Variants in CMTM4 observed in about 807,000 individuals in gnomAD.
CMTM4 encodes the protein CKLF-like MARVEL transmembrane domain-containing protein 4.
A neutral mutation model predicts 19.0 loss-of-function variants in CMTM4; 8 were observed. That is an observed-to-expected ratio of 0.42 (90% CI 0.25 to 0.76). The LOEUF (loss-of-function observed/expected upper bound fraction) is 0.76, where lower values mean the gene tolerates loss of function less well. Ranked by LOEUF, CMTM4 falls within the 30% of genes least tolerant of loss-of-function variation. The pLI, the probability that CMTM4 is intolerant of heterozygous loss-of-function variation, is 0.27. For synonymous variants in CMTM4, 106 were observed against 121.1 expected (o/e 0.88, Z 0.82); for missense variants, 228 against 290.2 (o/e 0.79, Z 1.56).
intron 1 of CMTM4, among the ~76,000 whole-genome samples, chr16:66,688,389 A>G (rs1389702077): frequency 1.3e-5 from 2 of 152,122 alleles, no homozygotes; most frequent in African/African-American, 4.8e-5. Context: ...TAATACTACC[A>G]TTATCCCCAA....
intron 1 of CMTM4, among the ~76,000 whole-genome samples, chr16:66,693,425 A>G (rs2017174392): frequency 6.6e-6 from 1 of 152,156 alleles, no homozygotes; most frequent in Non-Finnish European, 1.5e-5. Flanking sequence ...CAGAGTTAGA[A>G]CTTACTCATA....
chr16:66,640,450 AG>A (rs551743493), intron 1 of CMTM4, among the ~76,000 whole-genome samples: 3 of 152,284 alleles, frequency 2.0e-5, no homozygotes, highest in Non-Finnish European at 4.4e-5. Flanking sequence ...ATCCCTGGGA[AG>A]GGGGTCAGGT....
At chr16:66,625,826 A>G (rs2015727471) in intron 2 of CMTM4, among the ~76,000 whole-genome samples, 1 of 152,266 alleles carries the variant, frequency 6.6e-6, no homozygotes. Context: ...AACACTAGCC[A>G]TATGTGACTG....
At chr16:66,603,375 C>T in the CMTM4 span, among the ~76,000 whole-genome samples, 1 of 151,992 alleles carries the variant, frequency 6.6e-6, no homozygotes, top group Admixed American at 6.6e-5. Flanking sequence ...GCAACCTATG[C>T]CTCCCGGGTT....
At chr16:66,655,830 T>C (rs548604353) in intron 1 of CMTM4, among the ~76,000 whole-genome samples, 1 of 152,220 alleles carries the variant, frequency 6.6e-6, no homozygotes, top group East Asian at 1.9e-4. Context: ...TAAATAATTA[T>C]AGTTTGGCCG....
the CMTM4 span, among the ~76,000 whole-genome samples, chr16:66,603,390 C>A: frequency 6.6e-6 from 1 of 151,800 alleles, no homozygotes; most frequent in Non-Finnish European, 1.5e-5. Context: ...CGGGTTCAAG[C>A]GATTCTTGTG....
At chr16:66,634,771 C>CA (rs201094160) in intron 2 of CMTM4, among the ~76,000 whole-genome samples, 51 of 147,348 alleles carry the variant, frequency 3.5e-4, no homozygotes, top group Admixed American at 1.0e-3. Flanking sequence ...AAAAACCCTG[C>CA]AAAAAAAAAA....
intron 1 of CMTM4, among the ~76,000 whole-genome samples, chr16:66,663,973 C>T (rs563933443): frequency 6.6e-6 from 1 of 152,136 alleles, no homozygotes; most frequent in Non-Finnish European, 1.5e-5. Context: ...TGGCACATGC[C>T]TGTAATCCTA....
the CMTM4 span, among the ~76,000 whole-genome samples, chr16:66,607,652 T>G: frequency 2.0e-5 from 3 of 152,290 alleles, no homozygotes; most frequent in East Asian, 3.9e-4. Context: ...GTGTTACTTT[T>G]TGGAAACTGG....
chr16:66,683,003 G>A (rs1342707299), intron 1 of CMTM4, among the ~76,000 whole-genome samples: 1 of 151,366 alleles, frequency 6.6e-6, no homozygotes, highest in Non-Finnish European at 1.5e-5. Context: ...CTGTTTCCTA[G>A]TAGCAGTAGA....
At chr16:66,688,354 G>A (rs1409359985) in intron 1 of CMTM4, among the ~76,000 whole-genome samples, 1 of 152,110 alleles carries the variant, frequency 6.6e-6, no homozygotes, top group Non-Finnish European at 1.5e-5. Flanking sequence ...CTGAGCTAGG[G>A]AGCATGGTGG....
At chr16:66,609,766 TGCCTGACACTCGG>T (rs1043479325), downstream of CMTM4, 5 of 1,601,572 alleles carry the variant, frequency 3.1e-6, no homozygotes, top group African/African-American at 6.7e-5. This position sits in a 1 kb window ranked among gnomAD's most constrained non-coding sequence, Gnocchi z 4.4. Flanking sequence ...CAGGGGTCTG[TGCCTGACACTCGG>T]GCTGTTTGTC....
intron 1 of CMTM4, among the ~76,000 whole-genome samples, chr16:66,683,198 T>TAC (rs1307718184): frequency 5.8e-5 from 7 of 120,902 alleles, no homozygotes; most frequent in African/African-American, 2.1e-4. Flanking sequence ...TATATACATA[T>TAC]ATATATATAT....
intron 1 of CMTM4, among the ~76,000 whole-genome samples, chr16:66,645,318 G>A (rs767491721): frequency 2.6e-5 from 4 of 151,250 alleles, no homozygotes; most frequent in Non-Finnish European, 4.4e-5. Context: ...AGTGGCTCAC[G>A]CCTGCAATCC....
chr16:66,681,316 CT>C (rs11339043), intron 1 of CMTM4, among the ~76,000 whole-genome samples: 6,463 of 146,784 alleles, frequency 0.044, 251 homozygotes, highest in East Asian at 0.15. Flanking sequence ...CCTATTAAAT[CT>C]TTTTTTTTTT....
At chr16:66,643,498 C>T (rs188861088) in intron 1 of CMTM4, among the ~76,000 whole-genome samples, 6 of 152,276 alleles carry the variant, frequency 3.9e-5, no homozygotes, top group African/African-American at 1.2e-4. Flanking sequence ...GAGCCAGAAG[C>T]TTGTCTGTGG....
the CMTM4 span, among the ~76,000 whole-genome samples, chr16:66,598,277 A>G: frequency 6.6e-6 from 1 of 152,288 alleles, no homozygotes; most frequent in East Asian, 1.9e-4. Flanking sequence ...GGGCTGGGCT[A>G]TGACAGTCCC....
the CMTM4 span, chr16:66,605,384 G>C: frequency 6.4e-6 from 1 of 155,068 alleles, no homozygotes; most frequent in Admixed American, 6.5e-5. This position sits in a 1 kb window ranked among gnomAD's most constrained non-coding sequence, Gnocchi z 4.6. Context: ...GAGCCGGCGG[G>C]GGGCCGTGCG....
At chr16:66,634,462 A>C (rs150486477) in intron 2 of CMTM4, among the ~76,000 whole-genome samples, 47 of 152,100 alleles carry the variant, frequency 3.1e-4, no homozygotes, top group African/African-American at 1.0e-3. Context: ...AAAAAAACCC[A>C]AAAACAACAA....
Sources: allele counts gnomAD v4.1 joint callset (sites outside exome capture counted in the v4.1 genomes callset), GRCh38; gene constraint gnomAD v4.1.1; non-coding constraint Gnocchi (gnomAD v3.1); transcripts MANE v1.5; gene names NCBI Gene and HGNC (gene_info 2026-07-23, HGNC 2026-07-21).